ARIH1: variants seen among roughly 807,000 people sequenced by gnomAD.
The protein encoded by ARIH1 is E3 ubiquitin-protein ligase ARIH1.
In ARIH1, 8 loss-of-function variants were observed where a neutral mutation model predicts 85.0. The ratio of observed to expected loss-of-function variants is 0.09; its 90% confidence interval spans 0.06 to 0.17. The LOEUF is 0.17. ARIH1 is among the 10% of genes least tolerant of loss of function. ARIH1 has a pLI of 1.00. For synonymous variants in ARIH1, 238 were observed against 253.6 expected (o/e 0.94, Z 0.59); for missense variants, 311 against 718.1 (o/e 0.43, Z 6.48).
intron 1 of ARIH1, among the ~76,000 whole-genome samples, chr15:72,501,165 A>C (rs1177288905): frequency 6.6e-6 from 1 of 152,150 alleles, no homozygotes; most frequent in African/African-American, 2.4e-5. Context: ...AACTTAAAGG[A>C]TACAGGGGTA....
intron 7 of ARIH1, among the ~76,000 whole-genome samples, chr15:72,564,721 G>C (rs1365098438): frequency 6.6e-6 from 1 of 152,152 alleles, no homozygotes; most frequent in African/African-American, 2.4e-5. Flanking sequence ...GTTCTTAAGG[G>C]TGAGAAGTCC....
intron 1 of ARIH1, among the ~76,000 whole-genome samples, chr15:72,481,243 G>A (rs1449363571): frequency 6.6e-6 from 1 of 152,212 alleles, no homozygotes; most frequent in African/African-American, 2.4e-5. Context: ...AAACTCTGGG[G>A]ATGGGGTCTG....
chr15:72,544,249 GAC>G (rs1231092910), intron 2 of ARIH1, among the ~76,000 whole-genome samples: 1 of 151,950 alleles, frequency 6.6e-6, no homozygotes, highest in Non-Finnish European at 1.5e-5. Context: ...TGTAAAATGA[GAC>G]ACGTAATAAT....
chr15:72,545,043 A>G lies in ARIH1; in HGVS notation c.588+79A>G, dbSNP rs1441220789. The G allele has an allele frequency of 9.7e-6, 13 of 1,344,842 alleles. No homozygotes were observed. In the Admixed American group the frequency reaches 2.8e-4, roughly 29 times the overall value. 83.3% of individuals were successfully genotyped at this position (1,344,842 alleles called of 1,614,324 possible). A position where few individuals can be genotyped will look rare whatever the true frequency, so the allele number is the denominator to read the frequency against. The stretch of plus-strand genomic sequence containing the variant: ...TCAACTTCCATTATTTAAACAAAGG[A>G]AAATTTGTGGGTCTGGGAGTAGTAA... On this transcript the variant is annotated intron_variant, in intron 3 of 13. Coordinates refer to ENST00000379887, the MANE Select transcript of ARIH1 (RefSeq NM_005744.5).
intron 1 of ARIH1, among the ~76,000 whole-genome samples, chr15:72,498,848 T>TAA (rs200906515): frequency 6.1e-4 from 76 of 124,590 alleles, no homozygotes; most frequent in African/African-American, 2.2e-3. Flanking sequence ...ATCTCAAAAA[T>TAA]AAAAAAAAAA....
intron 6 of ARIH1, 53 bp from the exon 7 acceptor site, chr15:72,563,341 G>A (rs2064205165): frequency 6.7e-7 from 1 of 1,503,210 alleles, no homozygotes; most frequent in Admixed American, 1.7e-5. Context: ...TTATAGGTGT[G>A]AGCCACTGTG....
At chr15:72,475,472 T>G (rs2063791186) in intron 1 of ARIH1, among the ~76,000 whole-genome samples, 1 of 152,174 alleles carries the variant, frequency 6.6e-6, no homozygotes, top group South Asian at 2.1e-4. Context: ...AGCAGCTTGG[T>G]GTACAGTTGC....
intron 5 of ARIH1, among the ~76,000 whole-genome samples, chr15:72,557,975 A>G (rs1346496721): frequency 6.6e-6 from 1 of 152,194 alleles, no homozygotes; most frequent in Non-Finnish European, 1.5e-5. Context: ...TAGGTATAGA[A>G]TCATCATCAG....
chr15:72,552,342 C>T (rs1173038022), intron 3 of ARIH1, among the ~76,000 whole-genome samples: 3 of 152,126 alleles, frequency 2.0e-5, no homozygotes, highest in African/African-American at 7.2e-5. Flanking sequence ...GGCTGGAGTG[C>T]AAAGGTGCGA....
intron 5 of ARIH1, among the ~76,000 whole-genome samples, chr15:72,560,977 T>C (rs1180142885): frequency 6.6e-6 from 1 of 152,220 alleles, no homozygotes; most frequent in Non-Finnish European, 1.5e-5. Flanking sequence ...TTCTGGTTAA[T>C]TTCTAAGAGC....
In ARIH1 at chr15:72,545,374, A is replaced by C. The variant is rs35908451; in HGVS notation, c.588+410A>C. On this transcript the variant is annotated intron_variant, in intron 3 of 13. Coordinates refer to ENST00000379887, the MANE Select transcript of ARIH1 (RefSeq NM_005744.5). ...ATACTATTTGCTAGGGAACTCTCAG[A>C]ATTCTTCAGAAGATAAGATTTTCAC... is the stretch of plus-strand genomic sequence containing the variant. Among the ~76,000 whole-genome samples, 683 of 152,356 alleles carry C rather than the reference A, an allele frequency of 4.5e-3. 2 individuals carry two copies. Among genetic ancestry groups the C allele is most frequent in the Non-Finnish European group, 7.9e-3 (539 of 68,034 alleles).
At chr15:72,580,112 T>C (rs957881381) in intron 11 of ARIH1, among the ~76,000 whole-genome samples, 6 of 152,174 alleles carry the variant, frequency 3.9e-5, no homozygotes, top group Admixed American at 3.3e-4. Flanking sequence ...CGCAAGCCTC[T>C]GGTAACCGTC....
chr15:72,489,850 C>A lies in ARIH1; in HGVS notation c.375+14836C>A, dbSNP rs548383468. ...GGTTCACTTTTGTTATATGTTGGCACCTCTGTGGGTTACGGAAAGCTTTGC... is the reference window on the plus strand; with the variant it reads ...GGTTCACTTTTGTTATATGTTGGCAACTCTGTGGGTTACGGAAAGCTTTGC... On this transcript the variant is annotated intron_variant, in intron 1 of 13. Coordinates refer to ENST00000379887, the MANE Select transcript of ARIH1 (RefSeq NM_005744.5). Among the ~76,000 whole-genome samples, 7 of 152,252 alleles carry A rather than the reference C, an allele frequency of 4.6e-5. No individual in the cohort carries two copies. In the South Asian group the frequency reaches 1.2e-3, roughly 27 times the overall value.
At chr15:72,535,495 G>GT (rs2064078093) in intron 2 of ARIH1, among the ~76,000 whole-genome samples, 1 of 152,172 alleles carries the variant, frequency 6.6e-6, no homozygotes, top group South Asian at 2.1e-4. Context: ...ACTACCTTGT[G>GT]TTTTGATGGA....
At chr15:72,580,679 T>G in intron 11 of ARIH1, 52 bp from the exon 12 acceptor site, 5 of 1,513,544 alleles carry the variant, frequency 3.3e-6, no homozygotes, top group Non-Finnish European at 3.6e-6. Context: ...TCAGCTTTTA[T>G]GTACAGTTTA....
At chr15:72,496,278 A>G (rs1237483623) in intron 1 of ARIH1, among the ~76,000 whole-genome samples, 1 of 152,206 alleles carries the variant, frequency 6.6e-6, no homozygotes, top group African/African-American at 2.4e-5. Flanking sequence ...TATTGTTTTA[A>G]GCCCCCAAAG....
At chr15:72,506,980 T>TTATGTATG (rs72006883) in intron 1 of ARIH1, among the ~76,000 whole-genome samples, 89 of 150,112 alleles carry the variant, frequency 5.9e-4, no homozygotes, top group African/African-American at 2.1e-3. Context: ...GTGATTATTT[T>TTATGTATG]TATGTATGTA....
intron 2 of ARIH1, among the ~76,000 whole-genome samples, chr15:72,521,206 C>G (rs2063998231): frequency 7.4e-6 from 1 of 134,728 alleles, no homozygotes. Flanking sequence ...AATGCCCCCC[C>G]CCCCCCCTTT....
intron 1 of ARIH1, among the ~76,000 whole-genome samples, chr15:72,493,952 A>C (rs2063869650): frequency 6.6e-6 from 1 of 152,188 alleles, no homozygotes; most frequent in Admixed American, 6.5e-5. Context: ...TTTAAAAAAA[A>C]CATATATATC....
Sources: gnomAD v4.1 joint callset for allele counts (sites outside exome capture counted in the v4.1 genomes callset) on GRCh38, gnomAD v4.1.1 for gene constraint, MANE v1.5 for transcripts, NCBI Gene and HGNC (gene_info 2026-07-23, HGNC 2026-07-21) for gene names.